NREP: variants seen among roughly 807,000 people sequenced by gnomAD.
The protein encoded by NREP is neuronal regeneration related protein.
In NREP, 5 loss-of-function variants were observed where a neutral mutation model predicts 8.6. The observed-to-expected ratio is 0.58, with a 90% CI of 0.30 to 1.22. The LOEUF is 1.22. NREP is among the 50% of genes most tolerant of loss of function. NREP has a pLI of 0.07. For missense variants in NREP, 86 were observed against 82.5 expected, an observed-to-expected ratio of 1.04 and a Z score of -0.17; for synonymous variants, 27 against 28.0, an observed-to-expected ratio of 0.96 and a Z score of 0.11.
chr5:111,829,533 T>C (rs1472609937), intron 2 of NREP, among the ~76,000 whole-genome samples: 1 of 152,198 alleles, frequency 6.6e-6, no homozygotes, highest in Non-Finnish European at 1.5e-5. Context: ...TCCCTTTAGG[T>C]TTTTGACCTT....
intron 2 of NREP, among the ~76,000 whole-genome samples, chr5:111,824,257 T>C (rs1752572180): frequency 6.6e-6 from 1 of 152,102 alleles, no homozygotes; most frequent in Non-Finnish European, 1.5e-5. Context: ...TAATCCCAGC[T>C]ACTCGGGAGG....
intron 2 of NREP, among the ~76,000 whole-genome samples, chr5:111,884,388 C>A (rs1428529544): frequency 6.6e-6 from 1 of 151,862 alleles, no homozygotes; most frequent in African/African-American, 2.4e-5. Context: ...CGGATTCTAC[C>A]AGAGGTACAA....
intron 2 of NREP, among the ~76,000 whole-genome samples, chr5:111,859,782 T>C (rs903913721): frequency 2.0e-5 from 3 of 152,096 alleles, no homozygotes; most frequent in African/African-American, 7.2e-5. Context: ...ATCTGTCCAG[T>C]CTTTTTAAAT....
At chr5:111,857,182 G>C (rs75322835) in intron 2 of NREP, among the ~76,000 whole-genome samples, 1 of 152,168 alleles carries the variant, frequency 6.6e-6, no homozygotes, top group Non-Finnish European at 1.5e-5. Flanking sequence ...AGTGCCGAGA[G>C]GAAGCGTGGG....
At position 111,744,919 on chromosome 5, in the gene NREP, G is replaced by A. The variant is rs140961942; in HGVS notation, c.4-9412C>T. On this transcript the variant is annotated intron_variant, in intron 2 of 3. Coordinates refer to ENST00000257435, the MANE Select transcript of NREP (RefSeq NM_004772.4). ...CCTCAACCATAGATTTTTCCCCTCAGTCTTTCTTCCATTGTAAACCAAACA... is the reference window on the plus strand; with the variant it reads ...CCTCAACCATAGATTTTTCCCCTCAATCTTTCTTCCATTGTAAACCAAACA... Among the ~76,000 whole-genome samples the A allele has an allele frequency of 2.6e-3, 394 of 152,172 alleles. 3 individuals carry two copies. Among genetic ancestry groups the A allele is most frequent in the South Asian group, 0.015 (73 of 4,814 alleles).
At chr5:111,820,190 A>G (rs1048397945) in intron 2 of NREP, among the ~76,000 whole-genome samples, 5 of 152,242 alleles carry the variant, frequency 3.3e-5, no homozygotes, top group African/African-American at 1.2e-4. Flanking sequence ...TCACCAACAA[A>G]CAGCTCAAAA....
chr5:111,950,937 T>G (rs1047517181), intron 2 of NREP, among the ~76,000 whole-genome samples: 7 of 152,078 alleles, frequency 4.6e-5, no homozygotes, highest in African/African-American at 9.7e-5. Flanking sequence ...ACCTTCAAAG[T>G]GCAATTGACG....
intron 2 of NREP, among the ~76,000 whole-genome samples, chr5:111,912,107 A>G (rs1039021035): frequency 2.0e-5 from 3 of 152,090 alleles, no homozygotes; most frequent in African/African-American, 7.2e-5. Context: ...AATATCTAAT[A>G]TTTAAATTAG....
intron 1 of NREP, among the ~76,000 whole-genome samples, chr5:111,976,382 T>C (rs1403322686): frequency 6.6e-6 from 1 of 152,182 alleles, no homozygotes; most frequent in African/African-American, 2.4e-5. Context: ...CCATATCCAA[T>C]CCCTTCATCC....
At chr5:111,761,494 G>C (rs1202764825), upstream of NREP, among the ~76,000 whole-genome samples, 1 of 152,192 alleles carries the variant, frequency 6.6e-6, no homozygotes, top group African/African-American at 2.4e-5. Flanking sequence ...ATCTCATTTA[G>C]AAAGGAGTCT....
chr5:111,832,522 C>A (rs1447573203), intron 2 of NREP, among the ~76,000 whole-genome samples: 1 of 152,046 alleles, frequency 6.6e-6, no homozygotes, highest in Admixed American at 6.6e-5. Context: ...CAGAGTGGTA[C>A]CCTGTCTCAG....
chr5:111,837,681 C>T (rs1752927999), intron 2 of NREP, among the ~76,000 whole-genome samples: 3 of 151,936 alleles, frequency 2.0e-5, no homozygotes, highest in African/African-American at 7.2e-5. Context: ...CAAGATTGGA[C>T]ATTAGCTATT....
chr5:111,806,226 G>A (rs1752137872), intron 2 of NREP, among the ~76,000 whole-genome samples: 1 of 152,038 alleles, frequency 6.6e-6, no homozygotes, highest in Admixed American at 6.6e-5. Context: ...CCCACCTCTT[G>A]CCCCCTTGGG....
At chr5:111,826,852 C>A (rs1581145721) in intron 2 of NREP, among the ~76,000 whole-genome samples, 5 of 152,254 alleles carry the variant, frequency 3.3e-5, no homozygotes, top group Admixed American at 3.3e-4. Flanking sequence ...TAATTTTGAG[C>A]TTTTCCCCCA....
At chr5:111,953,647 C>T (rs769194420) in intron 2 of NREP, among the ~76,000 whole-genome samples, 9 of 151,942 alleles carry the variant, frequency 5.9e-5, no homozygotes, top group Admixed American at 1.3e-4. Context: ...ACTTAGGTTA[C>T]ATTATGGAAT....
chr5:111,905,175 G>A lies in NREP; in HGVS notation c.135+70099C>T, dbSNP rs114210755. 4.4e-3 allele frequency among the ~76,000 whole-genome samples: 670 copies of A among 152,070 alleles called. 3 individuals are homozygous for A. Among genetic ancestry groups the A allele is most frequent in the African/African-American group, 0.015 (632 of 41,500 alleles). On this transcript the variant is annotated intron_variant, in intron 2 of 3. Transcript: ENST00000395634. ...AAAATTGCAGAGGGCAAAATTTTCC[G>A]TTGACCTCTACACATGGGTGTACCA...
chr5:111,900,036 T>C (rs1292835297), intron 2 of NREP, among the ~76,000 whole-genome samples: 5 of 152,144 alleles, frequency 3.3e-5, no homozygotes, highest in Admixed American at 6.6e-5. Flanking sequence ...GGATAGACCA[T>C]ATATTAGGAC....
At chr5:111,889,562 C>T (rs1270796218) in intron 2 of NREP, among the ~76,000 whole-genome samples, 1 of 152,170 alleles carries the variant, frequency 6.6e-6, no homozygotes, top group Non-Finnish European at 1.5e-5. Context: ...AATAGTACCC[C>T]AAAGTTTTAA....
intron 2 of NREP, among the ~76,000 whole-genome samples, chr5:111,787,798 C>A (rs1034742408): frequency 6.6e-6 from 1 of 152,088 alleles, no homozygotes; most frequent in African/African-American, 2.4e-5. Flanking sequence ...TTATTTTTTA[C>A]ATTAAAAATA....
Sources: gnomAD v4.1 joint callset for allele counts (sites outside exome capture counted in the v4.1 genomes callset) on GRCh38, gnomAD v4.1.1 for gene constraint, MANE v1.5 for transcripts, NCBI Gene and HGNC (gene_info 2026-07-23, HGNC 2026-07-21) for gene names.